ARID1B: variants seen among roughly 807,000 people sequenced by gnomAD.
ARID1B encodes the protein AT-rich interactive domain-containing protein 1B.
Under a neutral mutation model 212.3 loss-of-function variants are expected in ARID1B, and 30 were observed. The ratio of observed to expected loss-of-function variants is 0.14; its 90% CI spans 0.11 to 0.19. ARID1B has a LOEUF of 0.19. Among genes scored for constraint, ARID1B ranks in the 10% least tolerant of loss-of-function variants. The probability of loss-of-function intolerance (pLI) is 1.00; values close to 1 mark genes in which losing one functional copy is unlikely to be tolerated. For synonymous variants in ARID1B, 1,402 were observed against 1,301.7 expected (o/e 1.08, Z -1.66); for missense variants, 2,891 against 3,204.0 (o/e 0.90, Z 2.36).
intron 6 of ARID1B, among the ~76,000 whole-genome samples, chr6:157,130,145 G>A (rs1314988736): frequency 6.6e-6 from 1 of 151,886 alleles, no homozygotes; most frequent in Non-Finnish European, 1.5e-5. Context: ...CTCCAGCCTG[G>A]GTGACAGAGT....
intron 2 of ARID1B, among the ~76,000 whole-genome samples, chr6:156,878,300 G>A (rs773873259): frequency 6.6e-6 from 1 of 152,120 alleles, no homozygotes; most frequent in Non-Finnish European, 1.5e-5. Context: ...AAAAGGAATT[G>A]ACAGGCTGTT....
intron 4 of ARID1B, among the ~76,000 whole-genome samples, chr6:157,049,491 C>T (rs1223269995): frequency 6.6e-6 from 1 of 151,986 alleles, no homozygotes; most frequent in Non-Finnish European, 1.5e-5. Context: ...CTTTTTTTTC[C>T]CCTAGCTACA....
intron 4 of ARID1B, among the ~76,000 whole-genome samples, chr6:157,002,668 T>G (rs1400748692): frequency 6.6e-6 from 1 of 152,250 alleles, no homozygotes; most frequent in African/African-American, 2.4e-5. Flanking sequence ...TATTTTAATT[T>G]AGTCTGCCTG....
At chr6:157,020,683 T>C (rs1780179296) in intron 4 of ARID1B, among the ~76,000 whole-genome samples, 1 of 152,224 alleles carries the variant, frequency 6.6e-6, no homozygotes, top group African/African-American at 2.4e-5. Context: ...AAACTATATG[T>C]AATTTCCTCA....
intron 1 of ARID1B, among the ~76,000 whole-genome samples, chr6:156,785,017 C>T (rs1382715420): frequency 6.6e-6 from 1 of 152,180 alleles, no homozygotes; most frequent in Non-Finnish European, 1.5e-5. Flanking sequence ...TCCTCGGCCT[C>T]CCAAAGTGCT....
rs368113437 is a variant in ARID1B, at chr6:157,050,414, C to T, written c.2248-34248C>T. 3.1e-4 allele frequency among the ~76,000 whole-genome samples: 47 copies of T among 152,126 alleles called. 1 individual carries two copies. The East Asian group carries it at 7.0e-3, about 23-fold the overall frequency. ...CAAAAATTAGCCAGGCGTGGTGGTG[C>T]GTGACTGTAATCGCAGCTACTCAGG... On this transcript the variant is annotated intron_variant, in intron 4 of 19. Coordinates refer to ENST00000636930, the MANE Select transcript of ARID1B (RefSeq NM_001374828.1).
intron 3 of ARID1B, among the ~76,000 whole-genome samples, chr6:156,903,710 C>A (rs1027492158): frequency 1.3e-5 from 2 of 152,150 alleles, no homozygotes; most frequent in African/African-American, 4.8e-5. Context: ...CAAGCTAAAT[C>A]TTAATAACAC....
At chr6:156,854,994 T>C (rs905970706) in intron 2 of ARID1B, among the ~76,000 whole-genome samples, 2 of 152,244 alleles carry the variant, frequency 1.3e-5, no homozygotes, top group African/African-American at 4.8e-5. Context: ...TTGATAAGGC[T>C]TTTGTGATAA....
chr6:156,896,842 G>A (rs1465976189), intron 2 of ARID1B, among the ~76,000 whole-genome samples: 2 of 152,154 alleles, frequency 1.3e-5, no homozygotes, highest in Admixed American at 1.3e-4. Context: ...TCGTGCCACT[G>A]CACTCCAGCC....
At chr6:156,916,948 G>C (rs1379265204) in intron 3 of ARID1B, among the ~76,000 whole-genome samples, 2 of 152,186 alleles carry the variant, frequency 1.3e-5, no homozygotes, top group Non-Finnish European at 2.9e-5. Context: ...CCGCAGACAG[G>C]GGGCTGTCTG....
rs11968765 is a variant in ARID1B at position 157,046,344 on chromosome 6, T to G, written c.2248-38318T>G. On this transcript the variant is annotated intron_variant, in intron 4 of 19. Coordinates refer to ENST00000636930, the MANE Select transcript of ARID1B (RefSeq NM_001374828.1). The stretch of plus-strand genomic sequence containing the variant: ...CCTGGAGTGGCTGATGAGGAGTTAC[T>G]TGAGAGCTGTTAGGGGTCTCACCTG... Among the ~76,000 whole-genome samples, 676 of 152,310 alleles carry G rather than the reference T, an allele frequency of 4.4e-3. 4 individuals are homozygous for G. The highest frequency in any genetic ancestry group is 0.015 in the African/African-American group (644 of 41,570).
chr6:156,998,342 T>C (rs549196956), intron 4 of ARID1B, among the ~76,000 whole-genome samples: 60 of 152,038 alleles, frequency 3.9e-4, no homozygotes, highest in African/African-American at 1.4e-3. Context: ...TGCCTCAGCC[T>C]CCTGAGTAGC....
chr6:157,198,730 G>A, intron 16 of ARID1B, 81 bp from the exon 17 acceptor site: 1 of 1,222,896 alleles, frequency 8.2e-7, no homozygotes, highest in South Asian at 1.4e-5. Context: ...AGGGAGTCAG[G>A]GTTCCAGAAA....
At chr6:156,971,257 G>A (rs1250303909) in intron 4 of ARID1B, among the ~76,000 whole-genome samples, 1 of 152,158 alleles carries the variant, frequency 6.6e-6, no homozygotes, top group Non-Finnish European at 1.5e-5. Flanking sequence ...TGTAAAATGA[G>A]CCTGCTTTCC....
chr6:156,800,990 G>C (rs750041948), intron 1 of ARID1B, among the ~76,000 whole-genome samples: 1 of 152,200 alleles, frequency 6.6e-6, no homozygotes, highest in Non-Finnish European at 1.5e-5. Flanking sequence ...GTCAGTAGCT[G>C]TCTGTCATAA....
chr6:156,951,340 GATGAATA>G (rs1793571132), intron 4 of ARID1B, among the ~76,000 whole-genome samples: 1 of 152,176 alleles, frequency 6.6e-6, no homozygotes, highest in Admixed American at 6.5e-5. Flanking sequence ...TGCAGTTACT[GATGAATA>G]ATGATTAAAT....
intron 1 of ARID1B, among the ~76,000 whole-genome samples, chr6:156,800,915 A>G (rs921566571): frequency 2.6e-5 from 4 of 152,116 alleles, no homozygotes; most frequent in Non-Finnish European, 4.4e-5. Flanking sequence ...AATTAATTAA[A>G]TGAAATTAGT....
At chr6:157,195,815 T>G in intron 15 of ARID1B, 1 of 261,074 alleles carries the variant, frequency 3.8e-6, no homozygotes, top group South Asian at 4.2e-5. Flanking sequence ...AATCCCAGCA[T>G]GTTGCAAGGC....
Position 156,779,428 on chromosome 6 carries a change from C to G in ARID1B, c.1748C>G (p.Ala583Gly). 6.8e-7 allele frequency: 1 copy of G among 1,464,782 alleles called. No homozygotes were observed. The highest frequency in any genetic ancestry group is 9.0e-7 in the Non-Finnish European group (1 of 1,106,066). 90.7% of individuals were successfully genotyped at this position (1,464,782 alleles called of 1,614,324 possible). The change falls in exon 1 of 20, where the codon GCG becomes GGG. Residue 583 changes from alanine to glycine, a missense_variant. By Grantham distance (60) the Ala-to-Gly change is moderately conservative. Around this residue, in one of 7 missense-constraint regions of ARID1B, gnomAD observed 1,643 missense variants for 1,544.0 expected, o/e 1.06. Transcript: ENST00000636930. The stretch of plus-strand genomic sequence containing the variant: ...GCCGCGCAACAAAGGAGTCACCCGG[C>G]GATGAGCCCCGGCACCCCCGGACCG... ...WAAAQQRSHPAMSPGTPGPTM... is the reference protein window; with the variant it reads ...WAAAQQRSHPGMSPGTPGPTM...
Sources: gnomAD v4.1 joint callset for allele counts (sites outside exome capture counted in the v4.1 genomes callset) on GRCh38, gnomAD v4.1.1 for gene constraint, gnomAD v4.1.1 regional missense constraint, MANE v1.5 for transcripts, NCBI Gene and HGNC (gene_info 2026-07-23, HGNC 2026-07-21) for gene names.